Variants in EEF1E1 observed in about 807,000 individuals in gnomAD.
EEF1E1 encodes eukaryotic translation elongation factor 1 epsilon-1.
EEF1E1 carries 19 observed loss-of-function variants against 19.9 expected under a neutral mutation model. The observed-to-expected ratio is 0.95, with a 90% CI of 0.66 to 1.40. The LOEUF (loss-of-function observed/expected upper bound fraction) is 1.40, where lower values mean the gene tolerates loss of function less well. Ranked by LOEUF, EEF1E1 falls within the 40% of genes most tolerant of loss-of-function variation. EEF1E1 has a pLI of 0.00. For synonymous variants in EEF1E1, 81 were observed against 80.0 expected, an observed-to-expected ratio of 1.01 and a Z score of -0.07; for missense variants, 198 against 202.2, an observed-to-expected ratio of 0.98 and a Z score of 0.13.
chr6:8,092,868 G>GTTTTTTTTTTT lies in EEF1E1; in HGVS notation c.289-2588_289-2587insAAAAAAAAAAA, dbSNP rs1554099258. On this transcript the variant is annotated intron_variant, in intron 2 of 3. Transcript: ENST00000379715. ...GTTTTGTGTTTTAGTGATAAAGACT[G>GTTTTTTTTTTT]CTTTTTTTTTTTTTTTTTTTTTTTG... Among the ~76,000 whole-genome samples, 66 of 108,166 alleles carry GTTTTTTTTTTT rather than the reference G, an allele frequency of 6.1e-4. 4 individuals are homozygous for GTTTTTTTTTTT. The highest frequency in any genetic ancestry group is 8.9e-4 in the Non-Finnish European group (48 of 53,718). The allele number at this position is 108,166 out of a possible 152,430, so 71.0% of individuals were successfully genotyped here. A position where few individuals can be genotyped will look rare whatever the true frequency, so the allele number is the denominator to read the frequency against.
At chr6:8,085,904 T>C (rs1757840871) in intron 3 of EEF1E1, among the ~76,000 whole-genome samples, 1 of 152,238 alleles carries the variant, frequency 6.6e-6, no homozygotes, top group Non-Finnish European at 1.5e-5. Flanking sequence ...ATTGCTTTCA[T>C]GTAAAACAGT....
chr6:8,078,614 G>C, downstream of EEF1E1: 1 of 1,145,430 alleles, frequency 8.7e-7, no homozygotes, highest in Non-Finnish European at 1.1e-6. Context: ...TGAAGATGCA[G>C]TAAAATGAGG....
intron 3 of EEF1E1, among the ~76,000 whole-genome samples, chr6:8,086,662 C>CT (rs1286820024): frequency 6.6e-5 from 10 of 152,200 alleles, no homozygotes; most frequent in Non-Finnish European, 1.3e-4. Context: ...CTCAAGTTTC[C>CT]TAAGCATTAG....
chr6:8,098,656 T>C (rs542227365), intron 1 of EEF1E1, among the ~76,000 whole-genome samples: 24 of 152,250 alleles, frequency 1.6e-4, no homozygotes, highest in African/African-American at 5.3e-4. Flanking sequence ...AGCTCTAAGA[T>C]CACCAATAAA....
chr6:8,073,383 A>T, exon 4 of EEF1E1: 1 of 1,485,670 alleles, frequency 6.7e-7, no homozygotes, highest in Non-Finnish European at 9.0e-7. Context: ...ATTTTATGGC[A>T]CTCCATGTAG....
At chr6:8,098,189 G>A (rs751108153) in intron 1 of EEF1E1, among the ~76,000 whole-genome samples, 32 of 151,414 alleles carry the variant, frequency 2.1e-4, no homozygotes, top group Non-Finnish European at 4.3e-4. Flanking sequence ...GCATGGTCTC[G>A]GCTCACTGCA....
At chr6:8,099,265 T>C (rs1248871460) in intron 1 of EEF1E1, among the ~76,000 whole-genome samples, 5 of 152,242 alleles carry the variant, frequency 3.3e-5, no homozygotes, top group African/African-American at 4.8e-5. Flanking sequence ...CTTAAGATTA[T>C]AATCAAGTAT....
At chr6:8,089,396 CCCACAACAGG>C (rs1365352166) in intron 3 of EEF1E1, among the ~76,000 whole-genome samples, 1 of 152,128 alleles carries the variant, frequency 6.6e-6, no homozygotes, top group African/African-American at 2.4e-5. Flanking sequence ...ATCACAAGGT[CCCACAACAGG>C]CCATCTTCAG....
chr6:8,085,255 C>T (rs964858948), intron 3 of EEF1E1, among the ~76,000 whole-genome samples: 3 of 152,072 alleles, frequency 2.0e-5, no homozygotes, highest in Non-Finnish European at 2.9e-5. Flanking sequence ...TCAGAAGATC[C>T]TCCTACCTCA....
At chr6:8,076,063 T>TA (rs1426348368), downstream of EEF1E1, among the ~76,000 whole-genome samples, 1 of 152,176 alleles carries the variant, frequency 6.6e-6, no homozygotes, top group Non-Finnish European at 1.5e-5. Flanking sequence ...CTTCTCTTGT[T>TA]ATTTCCACCA....
chr6:8,096,203 C>T (rs772524272), intron 2 of EEF1E1, among the ~76,000 whole-genome samples: 13 of 152,138 alleles, frequency 8.5e-5, no homozygotes, highest in Non-Finnish European at 1.3e-4. Context: ...TCCTATCTTT[C>T]GGAATCAAGT....
chr6:8,096,881 C>T (rs1316053286), intron 2 of EEF1E1, among the ~76,000 whole-genome samples: 9 of 152,026 alleles, frequency 5.9e-5, no homozygotes. Flanking sequence ...TCTCTTGCCT[C>T]TGAGAAAGTA....
intron 2 of EEF1E1, among the ~76,000 whole-genome samples, chr6:8,092,465 T>C (rs1023820331): frequency 6.6e-6 from 1 of 152,188 alleles, no homozygotes; most frequent in Non-Finnish European, 1.5e-5. Flanking sequence ...TCTGACGATT[T>C]TCATTTAAAG....
chr6:8,079,544 A>G lies in EEF1E1; in HGVS notation c.*346T>C. The G allele has an allele frequency of 2.0e-6, 2 of 1,008,978 alleles. No individual in the cohort carries two copies. The highest frequency in any genetic ancestry group is 2.4e-6 in the Non-Finnish European group (2 of 843,664). The allele number at this position is 1,008,978 out of a possible 1,614,324, so 62.5% of individuals were successfully genotyped here. On this transcript the variant is annotated 3_prime_UTR_variant, in exon 4 of 4. Coordinates refer to ENST00000379715, the MANE Select transcript of EEF1E1 (RefSeq NM_004280.5). ...GAAAATGAATTTTAGAATATGAAAG[A>G]GAGGTTAATAAATAGCCAAATATGT...
intron 2 of EEF1E1, among the ~76,000 whole-genome samples, chr6:8,092,271 G>A (rs1758032410): frequency 3.3e-5 from 5 of 152,134 alleles, no homozygotes. Context: ...TAGTGGTTCA[G>A]CAATCAGTAA....
chr6:8,090,875 C>T (rs1443022393), intron 2 of EEF1E1, among the ~76,000 whole-genome samples: 1 of 152,142 alleles, frequency 6.6e-6, no homozygotes, highest in Non-Finnish European at 1.5e-5. Context: ...GGATTTCCTT[C>T]TTTTTTAGGG....
chr6:8,098,142 C>T (rs940249078), intron 1 of EEF1E1, among the ~76,000 whole-genome samples: 3 of 150,266 alleles, frequency 2.0e-5, no homozygotes, highest in Non-Finnish European at 4.4e-5. Context: ...TCATTTGAGA[C>T]GGAATCGCAC....
intron 2 of EEF1E1, among the ~76,000 whole-genome samples, chr6:8,093,850 T>A (rs1251170495): frequency 6.6e-6 from 1 of 151,476 alleles, no homozygotes; most frequent in Admixed American, 6.6e-5. Context: ...CAGACTGGAG[T>A]ACAGTGGAGT....
At chr6:8,089,367 T>C (rs969106308) in intron 3 of EEF1E1, among the ~76,000 whole-genome samples, 2 of 152,100 alleles carry the variant, frequency 1.3e-5, no homozygotes, top group African/African-American at 4.8e-5. Context: ...GGGGAGTTTA[T>C]TAAGTATTAA....
Sources: gnomAD v4.1 joint callset for allele counts (sites outside exome capture counted in the v4.1 genomes callset) on GRCh38, gnomAD v4.1.1 for gene constraint, MANE v1.5 for transcripts, NCBI Gene and HGNC (gene_info 2026-07-23, HGNC 2026-07-21) for gene names.